Variants in AGBL1 observed in about 807,000 individuals in gnomAD.
The protein encoded by AGBL1 is cytosolic carboxypeptidase 4.
In AGBL1, 130 loss-of-function variants were observed where a neutral mutation model predicts 118.9. That is an observed-to-expected ratio of 1.09 (90% CI 0.95 to 1.26). AGBL1 has a LOEUF of 1.26. Among genes scored for constraint, AGBL1 ranks in the 50% most tolerant of loss-of-function variants. AGBL1 has a pLI of 0.00. For missense variants in AGBL1, 1,584 were observed against 1,298.1 expected (o/e 1.22, Z -3.38); for synonymous variants, 555 against 478.9 (o/e 1.16, Z -2.08).
At chr15:86,356,696 G>A (rs1026139106) in intron 17 of AGBL1, among the ~76,000 whole-genome samples, 5 of 152,182 alleles carry the variant, frequency 3.3e-5, no homozygotes, top group African/African-American at 1.2e-4. Context: ...CAGTTCCTGA[G>A]ACAAGTTTTT....
chr15:86,816,907 A>G (rs1387783434), intron 22 of AGBL1, among the ~76,000 whole-genome samples: 3 of 152,130 alleles, frequency 2.0e-5, no homozygotes, highest in African/African-American at 7.2e-5. Flanking sequence ...TAAGAAAGGC[A>G]TTATTACATT....
chr15:86,846,563 C>T (rs917962319), intron 22 of AGBL1, among the ~76,000 whole-genome samples: 1 of 151,884 alleles, frequency 6.6e-6, no homozygotes, highest in Non-Finnish European at 1.5e-5. Context: ...ACGGAGTCTC[C>T]CTCTGTCACC....
chr15:86,256,736 C>G, intron 7 of AGBL1, 117 bp from the exon 8 acceptor site: 1 of 1,036,040 alleles, frequency 9.7e-7, no homozygotes, highest in South Asian at 1.7e-5. Context: ...AATTCATTAG[C>G]TGAAACACAG....
intron 5 of AGBL1, among the ~76,000 whole-genome samples, chr15:86,166,946 C>T (rs1448396151): frequency 2.6e-5 from 4 of 152,148 alleles, no homozygotes; most frequent in Admixed American, 2.6e-4. Flanking sequence ...GAAGCTTGTA[C>T]AGCTCGTACC....
At chr15:86,761,129 T>G (rs1452915318) in intron 22 of AGBL1, among the ~76,000 whole-genome samples, 1 of 152,072 alleles carries the variant, frequency 6.6e-6, no homozygotes, top group Admixed American at 6.6e-5. Context: ...TTTTTGCCTC[T>G]GATTACTTCC....
At chr15:87,014,686 C>A (rs1596741991) in intron 24 of AGBL1, among the ~76,000 whole-genome samples, 1 of 152,154 alleles carries the variant, frequency 6.6e-6, no homozygotes, top group South Asian at 2.1e-4. Flanking sequence ...TATTTCAATG[C>A]ATTTTATTCC....
At chr15:86,546,387 C>T (rs1379672462) in intron 20 of AGBL1, among the ~76,000 whole-genome samples, 2 of 152,048 alleles carry the variant, frequency 1.3e-5, no homozygotes, top group African/African-American at 2.4e-5. Flanking sequence ...GTATAAAAGG[C>T]ATGAGAACTA....
chr15:86,376,855 C>A (rs904793383), intron 17 of AGBL1, among the ~76,000 whole-genome samples: 1 of 152,218 alleles, frequency 6.6e-6, no homozygotes, highest in African/African-American at 2.4e-5. Context: ...TAGCCAAAGG[C>A]AAAGGCCAGA....
At chr15:86,507,301 T>C (rs757711040) in intron 18 of AGBL1, among the ~76,000 whole-genome samples, 4 of 152,142 alleles carry the variant, frequency 2.6e-5, no homozygotes, top group Non-Finnish European at 5.9e-5. Context: ...ACCATATCTG[T>C]ACTCAAACTG....
In AGBL1 at chr15:86,250,525, C is replaced by CAAAAAA. The variant is rs60432449; in HGVS notation, c.735+2689_735+2694dup. On this transcript the variant is annotated intron_variant, in intron 7 of 22. Transcript: ENST00000614907. ...TGGGCAACAGAGTAAGACTCTGTCT[C>CAAAAAA]AAAAAAAAAAAAAAAAAAAAAAAAA... 1.5e-4 allele frequency among the ~76,000 whole-genome samples: 6 copies of CAAAAAA among 38,972 alleles called. 1 individual carries two copies. The highest frequency in any genetic ancestry group is 3.8e-4 in the African/African-American group (4 of 10,422). The allele number at this position is 38,972 out of a possible 152,430, so 25.6% of individuals were successfully genotyped here.
intron 18 of AGBL1, among the ~76,000 whole-genome samples, chr15:86,457,082 C>T (rs541381703): frequency 1.3e-4 from 20 of 151,938 alleles, no homozygotes; most frequent in Non-Finnish European, 2.4e-4. Context: ...TTACCACATT[C>T]GAAAAAAATT....
At chr15:87,009,968 T>C (rs1345758889) in intron 24 of AGBL1, among the ~76,000 whole-genome samples, 1 of 152,222 alleles carries the variant, frequency 6.6e-6, no homozygotes, top group Non-Finnish European at 1.5e-5. Context: ...TTGCCTTGTC[T>C]TGGATAAGAC....
Position 86,615,416 on chromosome 15 carries a change from A to C in AGBL1, c.2995-58857A>C, listed in dbSNP as rs140450617. On this transcript the variant is annotated intron_variant, in intron 21 of 22. Coordinates refer to ENST00000614907, the MANE Select transcript of AGBL1 (RefSeq NM_001386094.1). This position sits in a 1 kb window ranked among gnomAD's most constrained non-coding sequence, Gnocchi z 4.3. The stretch of plus-strand genomic sequence containing the variant: ...CCAGTGGGATCTGGGGTAAGGAGGA[A>C]GAAGGTAAGATGATTATGAGATTAT... Among the ~76,000 whole-genome samples, 461 of 152,302 alleles carry C rather than the reference A, an allele frequency of 3.0e-3. 5 individuals are homozygous for C. Among genetic ancestry groups the C allele is most frequent in the African/African-American group, 9.8e-3 (407 of 41,568 alleles).
At chr15:86,470,781 A>T (rs991600013) in intron 18 of AGBL1, among the ~76,000 whole-genome samples, 1 of 151,914 alleles carries the variant, frequency 6.6e-6, no homozygotes, top group African/African-American at 2.4e-5. Context: ...GTGTTTTTTT[A>T]ATGCTATTGT....
intron 18 of AGBL1, among the ~76,000 whole-genome samples, chr15:86,422,708 A>G (rs1423739898): frequency 6.6e-6 from 1 of 152,164 alleles, no homozygotes; most frequent in Non-Finnish European, 1.5e-5. Flanking sequence ...CCAGACTAAT[A>G]AAAAATAAAA....
chr15:86,460,766 T>G (rs1309204560), intron 18 of AGBL1, among the ~76,000 whole-genome samples: 1 of 152,220 alleles, frequency 6.6e-6, no homozygotes, highest in East Asian at 1.9e-4. Flanking sequence ...TTGTCTCTGA[T>G]TTCCTAGTTC....
chr15:86,239,331 C>G (rs1233472287), intron 6 of AGBL1, among the ~76,000 whole-genome samples: 7 of 152,042 alleles, frequency 4.6e-5, no homozygotes, highest in African/African-American at 1.4e-4. Flanking sequence ...AAAAAAGTAC[C>G]CGAAAGCTAA....
chr15:86,810,410 C>T (rs181195596), intron 22 of AGBL1, among the ~76,000 whole-genome samples: 65 of 152,216 alleles, frequency 4.3e-4, no homozygotes, highest in African/African-American at 1.5e-3. Flanking sequence ...AATTGCCCAT[C>T]ACTCTCTCTT....
At chr15:86,729,890 C>T (rs2077505282) in intron 22 of AGBL1, among the ~76,000 whole-genome samples, 1 of 152,210 alleles carries the variant, frequency 6.6e-6, no homozygotes, top group Non-Finnish European at 1.5e-5. Context: ...TTCCCACCGG[C>T]AGTATATAAG....
Sources: gnomAD v4.1 joint callset for allele counts (sites outside exome capture counted in the v4.1 genomes callset) on GRCh38, gnomAD v4.1.1 for gene constraint, Gnocchi (gnomAD v3.1) non-coding constraint, MANE v1.5 for transcripts, NCBI Gene and HGNC (gene_info 2026-07-23, HGNC 2026-07-21) for gene names.